DIXDC1: variants seen among roughly 807,000 people sequenced by gnomAD.
DIXDC1 encodes dixin.
DIXDC1 carries 64 observed loss-of-function variants against 103.1 expected under a neutral mutation model. The ratio of observed to expected loss-of-function variants is 0.62; its 90% CI spans 0.51 to 0.76. The LOEUF (loss-of-function observed/expected upper bound fraction) is 0.76, where lower values mean the gene tolerates loss of function less well. Among genes scored for constraint, DIXDC1 ranks in the 30% least tolerant of loss-of-function variants. The pLI is 0.00. For synonymous variants in DIXDC1, 266 were observed against 298.5 expected (o/e 0.89, Z 1.12); for missense variants, 759 against 834.2 (o/e 0.91, Z 1.11).
intron 1 of DIXDC1, among the ~76,000 whole-genome samples, chr11:111,929,092 T>A (rs1200052276): frequency 2.6e-5 from 4 of 151,934 alleles, no homozygotes; most frequent in African/African-American, 9.7e-5. Context: ...GGCAGGAGAA[T>A]CGCTTGAACC....
intron 17 of DIXDC1, among the ~76,000 whole-genome samples, chr11:112,005,910 C>T (rs782818721): frequency 2.6e-5 from 4 of 152,076 alleles, no homozygotes; most frequent in Admixed American, 2.0e-4. Flanking sequence ...GAGGCCAAGG[C>T]GGGCAGATTA....
intron 3 of DIXDC1, among the ~76,000 whole-genome samples, chr11:111,971,933 C>T (rs782769959): frequency 3.9e-5 from 6 of 151,916 alleles, no homozygotes; most frequent in Non-Finnish European, 7.4e-5. Flanking sequence ...CACATTGGGA[C>T]ATAAAGATGG....
At chr11:111,932,611 C>T (rs1555167786), upstream of DIXDC1, among the ~76,000 whole-genome samples, 1 of 150,690 alleles carries the variant, frequency 6.6e-6, no homozygotes, top group Non-Finnish European at 1.5e-5. Flanking sequence ...AAGAAAAAAT[C>T]ATGTAGAATA....
At chr11:111,986,801 A>C in intron 8 of DIXDC1, 70 bp from the exon 9 acceptor site, 1 of 1,411,720 alleles carries the variant, frequency 7.1e-7, no homozygotes, top group Non-Finnish European at 9.8e-7. Context: ...CTCAATAAAT[A>C]TTTGTTGAAT....
intron 1 of DIXDC1, among the ~76,000 whole-genome samples, chr11:111,950,912 T>G (rs1022778214): frequency 1.3e-5 from 2 of 152,236 alleles, no homozygotes; most frequent in Non-Finnish European, 2.9e-5. Context: ...TACTTTAAAA[T>G]GTACAATATT....
chr11:111,944,035 A>G (rs1487318684), intron 1 of DIXDC1, among the ~76,000 whole-genome samples: 1 of 152,220 alleles, frequency 6.6e-6, no homozygotes, highest in Non-Finnish European at 1.5e-5. Context: ...GAGTTAATAG[A>G]AAAGAAATAC....
At chr11:111,937,204 C>G (rs1270166900), upstream of DIXDC1, 2 of 1,093,672 alleles carry the variant, frequency 1.8e-6, no homozygotes, top group Non-Finnish European at 2.2e-6. Context: ...GTGCGGCTTT[C>G]CCGCAGGAAA....
intron 5 of DIXDC1, chr11:111,975,226 A>G: frequency 7.7e-7 from 1 of 1,290,390 alleles, no homozygotes; most frequent in South Asian, 1.6e-5. Flanking sequence ...CCAGTGCTTA[A>G]CTGTGACCAC....
chr11:111,974,617 T>C (rs1036371320), intron 4 of DIXDC1, among the ~76,000 whole-genome samples: 1 of 152,200 alleles, frequency 6.6e-6, no homozygotes, highest in Non-Finnish European at 1.5e-5. Flanking sequence ...GGTCAGGTTG[T>C]CTTGGGAGTC....
chr11:111,992,357 T>G, intron 10 of DIXDC1, 58 bp from the exon 11 acceptor site: 1 of 1,429,538 alleles, frequency 7.0e-7, no homozygotes, highest in Non-Finnish European at 9.6e-7. Context: ...TAATTTGTAA[T>G]AATAACTGGC....
intron 18 of DIXDC1, 21 bp downstream of exon 18, chr11:112,016,817 T>A (rs782004001): frequency 6.4e-7 from 1 of 1,573,594 alleles, no homozygotes; most frequent in Non-Finnish European, 8.7e-7. Flanking sequence ...GGGATCATTG[T>A]ATTTCACTGT....
chr11:112,008,342 T>C (rs1303783060), intron 17 of DIXDC1, among the ~76,000 whole-genome samples: 1 of 152,096 alleles, frequency 6.6e-6, no homozygotes, highest in Non-Finnish European at 1.5e-5. Flanking sequence ...CAAAGAGACT[T>C]AGACTCCCAC....
Position 111,974,301 on chromosome 11 carries a change from C to T in DIXDC1, c.548+47C>T, listed in dbSNP as rs1555172385. 7 of 1,538,258 alleles carry T rather than the reference C, an allele frequency of 4.6e-6. No homozygotes were observed. In the South Asian group the frequency reaches 8.4e-5, roughly 19 times the overall value. On this transcript the variant is annotated intron_variant, in intron 4 of 19. Coordinates refer to ENST00000440460, the MANE Select transcript of DIXDC1 (RefSeq NM_001037954.4). ...TGGGAACTGATCCCTCTCTCTGATACTTCTTCTGTTAGATGATACAGTGCA... is the reference window on the plus strand; with the variant it reads ...TGGGAACTGATCCCTCTCTCTGATATTTCTTCTGTTAGATGATACAGTGCA...
chr11:111,988,092 A>G (rs1343858757), intron 9 of DIXDC1, among the ~76,000 whole-genome samples: 6 of 149,582 alleles, frequency 4.0e-5, no homozygotes, highest in African/African-American at 1.5e-4. Flanking sequence ...TCGACCCCCC[A>G]GTCTCAAGCG....
intron 1 of DIXDC1, among the ~76,000 whole-genome samples, chr11:111,960,965 C>T (rs1592567711): frequency 6.6e-6 from 1 of 152,168 alleles, no homozygotes; most frequent in Non-Finnish European, 1.5e-5. Context: ...TTTAGGATGA[C>T]GTCTGCTTAT....
intron 7 of DIXDC1, among the ~76,000 whole-genome samples, chr11:111,984,475 T>C (rs1860423440): frequency 6.6e-6 from 1 of 152,134 alleles, no homozygotes; most frequent in Non-Finnish European, 1.5e-5. Flanking sequence ...GAACCCTGGA[T>C]TGCAGTGAGC....
At chr11:111,992,108 G>C (rs1478864839) in intron 10 of DIXDC1, among the ~76,000 whole-genome samples, 1 of 152,220 alleles carries the variant, frequency 6.6e-6, no homozygotes, top group Non-Finnish European at 1.5e-5. Flanking sequence ...CCAAAGTCCA[G>C]TCTTTCTCTC....
rs367999257 is a variant in DIXDC1, at chr11:112,021,963, A to G, written c.*2927A>G. Reference sequence around the variant, plus strand: ...CACTGCACTCTAGCCTAGGCTACAGAGCAGGACCCCATCTCCAAAAAAAAA... The same window carrying G: ...CACTGCACTCTAGCCTAGGCTACAGGGCAGGACCCCATCTCCAAAAAAAAA... On this transcript the variant is annotated 3_prime_UTR_variant, in exon 20 of 20. Coordinates refer to ENST00000440460, the MANE Select transcript of DIXDC1 (RefSeq NM_001037954.4). The G allele has an allele frequency of 6.2e-5, 9 of 145,958 alleles. No individual in the cohort carries two copies. In the East Asian group the frequency reaches 1.8e-3, roughly 30 times the overall value. The allele number at this position is 145,958 out of a possible 1,614,324, so 9.0% of individuals were successfully genotyped here.
At position 111,964,668 on chromosome 11, in the gene DIXDC1, C is replaced by T. The variant is rs374969048; in HGVS notation, c.180C>T (p.Ile60=). Residue 60 remains isoleucine (I), a synonymous_variant, in exon 2 of 20, where the codon ATC becomes ATT. Transcript: ENST00000440460. The stretch of plus-strand genomic sequence containing the variant: ...ATGGGGTGATCCTGGCATATCTCAT[C>T]GAGATTGTTGGTCAGTTGGCCCTGG... ...LRDGVILAYL[I]EIVAGEKLSG... 482 of 1,606,258 alleles carry T rather than the reference C, an allele frequency of 3.0e-4. 3 individuals carry two copies. The highest frequency in any genetic ancestry group is 2.7e-3 in the Middle Eastern group (16 of 5,980).
Sources: allele counts gnomAD v4.1 joint callset (sites outside exome capture counted in the v4.1 genomes callset), GRCh38; gene constraint gnomAD v4.1.1; transcripts MANE v1.5; gene names NCBI Gene and HGNC (gene_info 2026-07-23, HGNC 2026-07-21).